TNR: variants seen among roughly 807,000 people sequenced by gnomAD.
TNR encodes tenascin-R.
A neutral mutation model predicts 150.4 loss-of-function variants in TNR; 45 were observed. The observed-to-expected ratio is 0.30, with a 90% CI of 0.24 to 0.38. The LOEUF (loss-of-function observed/expected upper bound fraction) is 0.38, where lower values mean the gene tolerates loss of function less well. Among genes scored for constraint, TNR ranks in the 10% least tolerant of loss-of-function variants. The probability of loss-of-function intolerance (pLI) is 1.00; values close to 1 mark genes in which losing one functional copy is unlikely to be tolerated. For synonymous variants in TNR, 687 were observed against 678.4 expected, an observed-to-expected ratio of 1.01 and a Z score of -0.20; for missense variants, 1,544 against 1,759.1, an observed-to-expected ratio of 0.88 and a Z score of 2.19.
intron 2 of TNR, among the ~76,000 whole-genome samples, chr1:175,475,395 G>T (rs1363004292): frequency 6.6e-6 from 1 of 152,216 alleles, no homozygotes; most frequent in African/African-American, 2.4e-5. Flanking sequence ...TTCATGAGAT[G>T]ACATGTAAGT....
At chr1:175,377,622 C>T (rs549150705) in intron 9 of TNR, among the ~76,000 whole-genome samples, 1 of 151,998 alleles carries the variant, frequency 6.6e-6, no homozygotes, top group Admixed American at 6.5e-5. Context: ...TTTAGGAGTG[C>T]GTCTGTCTGG....
intron 1 of TNR, among the ~76,000 whole-genome samples, chr1:175,633,887 A>G (rs1315842130): frequency 6.6e-6 from 1 of 152,158 alleles, no homozygotes; most frequent in Non-Finnish European, 1.5e-5. Context: ...GGGGACAGCA[A>G]AAAGGCTGTG....
At chr1:175,722,725 A>G (rs1424571318) in intron 1 of TNR, among the ~76,000 whole-genome samples, 1 of 151,988 alleles carries the variant, frequency 6.6e-6, no homozygotes, top group African/African-American at 2.4e-5. Context: ...TCAGCCTTCC[A>G]AAGTGCTGGG....
chr1:175,552,925 T>G (rs1661002328), intron 1 of TNR, among the ~76,000 whole-genome samples: 1 of 152,166 alleles, frequency 6.6e-6, no homozygotes, highest in African/African-American at 2.4e-5. Flanking sequence ...TGGTTAGAAG[T>G]GGCCACCCTG....
chr1:175,735,333 G>A (rs1256240146), intron 1 of TNR, among the ~76,000 whole-genome samples: 1 of 152,216 alleles, frequency 6.6e-6, no homozygotes, highest in African/African-American at 2.4e-5. Flanking sequence ...GTGACTGTCA[G>A]CTGATCTGCT....
chr1:175,726,082 A>C (rs1667469300), intron 1 of TNR, among the ~76,000 whole-genome samples: 1 of 152,242 alleles, frequency 6.6e-6, no homozygotes, highest in Non-Finnish European at 1.5e-5. Context: ...TAAATGGGGC[A>C]GAAAATTGAT....
intron 2 of TNR, among the ~76,000 whole-genome samples, chr1:175,505,468 C>T (rs1658925080): frequency 2.0e-5 from 3 of 152,202 alleles, no homozygotes; most frequent in Admixed American, 6.5e-5. Flanking sequence ...AGGAGGTCAG[C>T]AACCCGCCTC....
chr1:175,433,665 CA>C (rs1461091531), intron 2 of TNR, among the ~76,000 whole-genome samples: 13 of 152,296 alleles, frequency 8.5e-5, no homozygotes, highest in Non-Finnish European at 1.8e-4. Context: ...AGGGCTTCAT[CA>C]AGCAGACTTT....
intron 2 of TNR, among the ~76,000 whole-genome samples, chr1:175,480,691 C>T (rs1435653741): frequency 6.6e-6 from 1 of 152,202 alleles, no homozygotes; most frequent in Non-Finnish European, 1.5e-5. Context: ...TTAAGAGGCT[C>T]ACCTGAAATC....
intron 1 of TNR, among the ~76,000 whole-genome samples, chr1:175,687,073 T>C (rs555197714): frequency 1.3e-5 from 2 of 152,282 alleles, no homozygotes; most frequent in African/African-American, 4.8e-5. Flanking sequence ...GGGAGCACAG[T>C]TGCATCTATG....
chr1:175,703,400 G>A (rs1558081874), intron 1 of TNR, among the ~76,000 whole-genome samples: 3 of 152,164 alleles, frequency 2.0e-5, no homozygotes, highest in African/African-American at 4.8e-5. Context: ...TGGTTCAGAG[G>A]CATCATTCAA....
intron 1 of TNR, among the ~76,000 whole-genome samples, chr1:175,562,439 A>C (rs1661467949): frequency 6.6e-6 from 1 of 152,252 alleles, no homozygotes; most frequent in Non-Finnish European, 1.5e-5. Context: ...AGGCTGAGAT[A>C]ATTTAAGCAC....
chr1:175,495,391 G>A (rs543347767), intron 2 of TNR, among the ~76,000 whole-genome samples: 5 of 152,250 alleles, frequency 3.3e-5, no homozygotes, highest in African/African-American at 1.2e-4. Context: ...GAGTGCTCAT[G>A]GAATGTTTGT....
At chr1:175,396,418 C>T in intron 5 of TNR, 126 bp downstream of exon 5, 1 of 1,227,472 alleles carries the variant, frequency 8.1e-7, no homozygotes, top group South Asian at 1.5e-5. Flanking sequence ...TCTAGCCCTT[C>T]CCCTCAAGGG....
At chr1:175,708,967 C>G (rs762955712) in intron 1 of TNR, among the ~76,000 whole-genome samples, 5 of 143,128 alleles carry the variant, frequency 3.5e-5, no homozygotes, top group Non-Finnish European at 7.4e-5. Flanking sequence ...TCATTATGCA[C>G]ACAAGCACCC....
chr1:175,384,380 T>C (rs561848818), intron 8 of TNR, among the ~76,000 whole-genome samples: 2 of 152,316 alleles, frequency 1.3e-5, no homozygotes, highest in South Asian at 4.1e-4. Flanking sequence ...AAGATGCACA[T>C]TCGGTCACTC....
chr1:175,481,948 T>A (rs771755161), intron 2 of TNR, among the ~76,000 whole-genome samples: 1 of 152,144 alleles, frequency 6.6e-6, no homozygotes, highest in African/African-American at 2.4e-5. Flanking sequence ...CTGAATAGTG[T>A]CTAAGGGTTG....
intron 2 of TNR, among the ~76,000 whole-genome samples, chr1:175,498,712 A>G (rs1658591983): frequency 6.6e-6 from 1 of 152,222 alleles, no homozygotes; most frequent in African/African-American, 2.4e-5. Context: ...GGGAGGGCAT[A>G]CATGCTGGAG....
intron 9 of TNR, among the ~76,000 whole-genome samples, chr1:175,376,349 T>A (rs142664521): frequency 6.6e-6 from 1 of 152,352 alleles, no homozygotes; most frequent in Non-Finnish European, 1.5e-5. Context: ...TATTGCCTCA[T>A]GAATGCCTCA....
Sources: allele counts gnomAD v4.1 joint callset (sites outside exome capture counted in the v4.1 genomes callset), GRCh38; gene constraint gnomAD v4.1.1; transcripts MANE v1.5; gene names NCBI Gene and HGNC (gene_info 2026-07-23, HGNC 2026-07-21).